ZNF451: variants seen among roughly 807,000 people sequenced by gnomAD.
The protein encoded by ZNF451 is zinc finger protein 451, also known as E3 SUMO-protein ligase ZNF451.
In ZNF451, 80 loss-of-function variants were observed where a neutral mutation model predicts 107.1. The ratio of observed to expected loss-of-function variants is 0.75; its 90% confidence interval spans 0.62 to 0.90. The LOEUF (loss-of-function observed/expected upper bound fraction) is 0.90. Among genes scored for constraint, ZNF451 ranks in the 40% least tolerant of loss-of-function variants. The pLI, the probability that ZNF451 is intolerant of heterozygous loss-of-function variation, is 0.00. For synonymous variants in ZNF451, 362 were observed against 406.5 expected (o/e 0.89, Z 1.32); for missense variants, 1,107 against 1,236.2 (o/e 0.90, Z 1.57).
intron 3 of ZNF451, chr6:57,104,533 G>A (rs528375777): frequency 3.4e-5 from 33 of 984,890 alleles, no homozygotes; most frequent in Admixed American, 1.9e-4. Flanking sequence ...CTGAGAATGC[G>A]TTTGTCTGAA....
chr6:57,152,654 C>T (rs1010885674), intron 12 of ZNF451, among the ~76,000 whole-genome samples: 8 of 152,106 alleles, frequency 5.3e-5, no homozygotes, highest in Non-Finnish European at 7.4e-5. Context: ...AGTGCAGTGG[C>T]GCAGTCTCGG....
intron 3 of ZNF451, among the ~76,000 whole-genome samples, chr6:57,110,534 A>G (rs543617469): frequency 1.3e-5 from 2 of 152,140 alleles, no homozygotes; most frequent in Admixed American, 1.3e-4. Context: ...TGAACAGGAT[A>G]ATGTTCCTGA....
In ZNF451 at chr6:57,148,279, G is replaced by T; in HGVS notation, c.2194G>T (p.Val732Phe). ...TTGCCGTGAGAGTTACATCTGTAAA[G>T]TCAACAGAAAAGAAGATTATAGCAG... ...CGCRESYICK[V>F]NRKEDYSRCL... is the part of the protein sequence containing the mutation. Residue 732 changes from valine to phenylalanine, a missense_variant, in exon 10 of 15, where the codon GTC becomes TTC. Val to Phe is a conservative substitution (Grantham distance 50). This residue lies in a region of ZNF451 where 608 missense variants were observed against 649.2 expected (regional missense o/e 0.94). Coordinates refer to ENST00000370706, the MANE Select transcript of ZNF451 (RefSeq NM_001031623.3). The T allele has an allele frequency of 6.2e-7, 1 of 1,613,970 alleles. No homozygotes were observed. Among genetic ancestry groups the T allele is most frequent in the Non-Finnish European group, 8.5e-7 (1 of 1,179,942 alleles).
chr6:57,127,193 T>C (rs1163699002), intron 4 of ZNF451, among the ~76,000 whole-genome samples: 6 of 152,136 alleles, frequency 3.9e-5, no homozygotes, highest in African/African-American at 1.2e-4. Flanking sequence ...AAAAAGTATT[T>C]GGTGATTTAT....
At chr6:57,158,460 A>G (rs910303194) in intron 13 of ZNF451, 44 of 967,936 alleles carry the variant, frequency 4.5e-5, no homozygotes, top group Non-Finnish European at 5.0e-5. Context: ...AGCAATTAGC[A>G]TTCTAATTTC....
At position 57,145,131 on chromosome 6, in the gene ZNF451, C is replaced by G. The variant is rs1238979513; in HGVS notation, c.1005-1959C>G. 2.0e-5 allele frequency among the ~76,000 whole-genome samples: 3 copies of G among 151,894 alleles called. No individual in the cohort carries two copies. The East Asian group carries it at 5.8e-4, about 29-fold the overall frequency. Reference sequence around the variant, plus strand: ...TAAAATGGTAGCAGGTCTGTTCTCTCTGGAGTTTAGTAGTGAAGACACAGT... The same window carrying G: ...TAAAATGGTAGCAGGTCTGTTCTCTGTGGAGTTTAGTAGTGAAGACACAGT... On this transcript the variant is annotated intron_variant, in intron 9 of 14. Coordinates refer to ENST00000370706, the MANE Select transcript of ZNF451 (RefSeq NM_001031623.3).
chr6:57,115,265 GAAA>G (rs756586767), intron 3 of ZNF451: 1 of 150,660 alleles, frequency 6.6e-6, no homozygotes, highest in Non-Finnish European at 1.5e-5. Context: ...GATCCTGTCA[GAAA>G]AAAAAAGTAT....
intron 13 of ZNF451, among the ~76,000 whole-genome samples, chr6:57,156,987 G>A (rs377282362): frequency 1.3e-5 from 2 of 152,172 alleles, no homozygotes; most frequent in East Asian, 1.9e-4. Flanking sequence ...CCTGCTGTGC[G>A]GCCCAGTTCT....
chr6:57,145,582 T>TA (rs1241947353), intron 9 of ZNF451, among the ~76,000 whole-genome samples: 1 of 152,182 alleles, frequency 6.6e-6, no homozygotes, highest in Non-Finnish European at 1.5e-5. Flanking sequence ...TTATTTCACT[T>TA]AGGATAATGG....
chr6:57,144,126 G>A (rs1161364040), intron 9 of ZNF451, among the ~76,000 whole-genome samples: 1 of 149,980 alleles, frequency 6.7e-6, no homozygotes, highest in Admixed American at 6.7e-5. Context: ...ATAACACAAT[G>A]TTCTAAAATT....
chr6:57,146,502 G>A (rs1593155364), intron 9 of ZNF451, among the ~76,000 whole-genome samples: 1 of 152,066 alleles, frequency 6.6e-6, no homozygotes, highest in Non-Finnish European at 1.5e-5. Context: ...AGTTTTATCA[G>A]CACCATTTAT....
intron 2 of ZNF451, among the ~76,000 whole-genome samples, chr6:57,092,200 A>G (rs928512023): frequency 6.6e-6 from 1 of 152,174 alleles, no homozygotes; most frequent in African/African-American, 2.4e-5. Flanking sequence ...TTCTTTATGA[A>G]CTATGGCCCT....
chr6:57,103,359 T>G (rs1829695840), intron 3 of ZNF451: 1 of 985,446 alleles, frequency 1.0e-6, no homozygotes, highest in Non-Finnish European at 1.2e-6. Context: ...AGTGATACGC[T>G]CTTGGTTAAT....
At chr6:57,129,137 A>G (rs1420731126) in intron 5 of ZNF451, among the ~76,000 whole-genome samples, 1 of 152,138 alleles carries the variant, frequency 6.6e-6, no homozygotes, top group African/African-American at 2.4e-5. Context: ...ACATATGTCC[A>G]TGGGAGGTGT....
At chr6:57,095,326 C>CTTTT (rs764972958) in intron 2 of ZNF451, among the ~76,000 whole-genome samples, 2 of 107,780 alleles carry the variant, frequency 1.9e-5, no homozygotes, top group Non-Finnish European at 3.8e-5. Flanking sequence ...TTCTGTGATA[C>CTTTT]TTTTTTTTTT....
At chr6:57,133,329 TTATGA>T (rs1332516251) in intron 6 of ZNF451, 137 bp downstream of exon 6, 3 of 924,612 alleles carry the variant, frequency 3.2e-6, no homozygotes, top group African/African-American at 3.4e-5. Flanking sequence ...TTTTGTGCCA[TTATGA>T]TATAATTTTT....
intron 3 of ZNF451, among the ~76,000 whole-genome samples, chr6:57,123,447 G>T (rs1830742763): frequency 6.6e-6 from 1 of 152,144 alleles, no homozygotes; most frequent in Non-Finnish European, 1.5e-5. Flanking sequence ...TTTATAAGTG[G>T]GAGCTAAATC....
chr6:57,107,171 GT>G, intron 3 of ZNF451: 1 of 985,288 alleles, frequency 1.0e-6, no homozygotes, highest in Non-Finnish European at 1.2e-6. Context: ...TCCTTTTGAT[GT>G]TGTTAGCATA....
At chr6:57,097,572 T>TA (rs1047369151) in intron 2 of ZNF451, among the ~76,000 whole-genome samples, 94 of 152,338 alleles carry the variant, frequency 6.2e-4, no homozygotes, top group African/African-American at 2.0e-3. Context: ...CAAAGACATT[T>TA]AAAAATGTCT....
Sources: gnomAD v4.1 joint callset for allele counts (sites outside exome capture counted in the v4.1 genomes callset) on GRCh38, gnomAD v4.1.1 for gene constraint, gnomAD v4.1.1 regional missense constraint, MANE v1.5 for transcripts, NCBI Gene and HGNC (gene_info 2026-07-23, HGNC 2026-07-21) for gene names.